Variants in PRKN observed in about 807,000 individuals in gnomAD.
PRKN encodes parkin RBR E3 ubiquitin protein ligase.
Under a neutral mutation model 59.5 loss-of-function variants are expected in PRKN, and 56 were observed. The observed-to-expected ratio is 0.94, with a 90% confidence interval of 0.76 to 1.18. The LOEUF (loss-of-function observed/expected upper bound fraction) is 1.18. Ranked by LOEUF, PRKN falls within the 50% of genes most tolerant of loss-of-function variation. The pLI, the probability that PRKN is intolerant of heterozygous loss-of-function variation, is 0.00. For synonymous variants in PRKN, 250 were observed against 222.1 expected (o/e 1.13, Z -1.12); for missense variants, 657 against 596.4 (o/e 1.10, Z -1.06).
chr6:162,489,197 A>T (rs1792693575), intron 1 of PRKN, among the ~76,000 whole-genome samples: 1 of 152,198 alleles, frequency 6.6e-6, no homozygotes, highest in Non-Finnish European at 1.5e-5. Context: ...AACCTTAAAC[A>T]AAGTTCAAAT....
intron 4 of PRKN, among the ~76,000 whole-genome samples, chr6:162,168,840 A>C (rs1055350246): frequency 6.6e-6 from 1 of 152,178 alleles, no homozygotes; most frequent in Non-Finnish European, 1.5e-5. Context: ...GAACCATTCC[A>C]TATAGGAGGG....
chr6:161,949,368 G>A (rs6934432), intron 6 of PRKN, among the ~76,000 whole-genome samples: 15,102 of 152,078 alleles, frequency 0.099, 920 homozygotes, highest in African/African-American at 0.17. Flanking sequence ...AAAATTAGCC[G>A]GGCATTGTGG....
At position 161,548,920 on chromosome 6, in the gene PRKN, C is replaced by T. The variant is rs546676036; in HGVS notation, c.1017G>A (p.Ala339=). The change falls in exon 9 of 12, where the codon GCG becomes GCA. Residue 339 remains alanine, a synonymous_variant. Transcript: ENST00000366898. This position sits in a 1 kb window ranked among gnomAD's most constrained non-coding sequence, Gnocchi z 4.2. ...GVLCPRPGCG[A]GLLPEPDQRK... ...TCTGGTCAGGCTCCGGCAGCAGCCC[C>T]GCTCCACAGCCAGGGCGGGGGCATA... The T allele has an allele frequency of 5.0e-4, 810 of 1,614,182 alleles. 10 individuals carry two copies. In the South Asian group the frequency reaches 8.0e-3, roughly 16 times the overall value.
intron 7 of PRKN, among the ~76,000 whole-genome samples, chr6:161,755,139 C>T (rs1788861441): frequency 6.6e-6 from 1 of 152,202 alleles, no homozygotes; most frequent in South Asian, 2.1e-4. Context: ...ATACCCATAG[C>T]GTGTGACAGT....
At chr6:162,099,537 A>C (rs1009178375) in intron 4 of PRKN, among the ~76,000 whole-genome samples, 1 of 152,174 alleles carries the variant, frequency 6.6e-6, no homozygotes. Context: ...CTGGCATAAA[A>C]GAGGCAACAG....
At chr6:161,430,814 CAAAAAAAAAAAAAAA>C (rs35611748) in intron 9 of PRKN, among the ~76,000 whole-genome samples, 74 of 58,338 alleles carry the variant, frequency 1.3e-3, no homozygotes, top group African/African-American at 4.3e-3. Context: ...GACTCCGTCT[CAAAAAAAAAAAAAAA>C]AAAAAAAAAG....
rs115092283 is a variant in PRKN, at chr6:161,994,129, C to G, written c.619-20712G>C. Among the ~76,000 whole-genome samples the G allele has an allele frequency of 5.1e-3, 769 of 151,800 alleles. 11 individuals are homozygous for G. Among genetic ancestry groups the G allele is most frequent in the African/African-American group, 0.018 (751 of 41,384 alleles). ...AAAAATCCTCAACAAAATAGCATAT[C>G]ATGATCAAGTGAGATTTTTCTCAGG... On this transcript the variant is annotated intron_variant, in intron 5 of 11. Transcript: ENST00000366898.
At chr6:161,691,240 A>G (rs1785781057) in intron 7 of PRKN, among the ~76,000 whole-genome samples, 1 of 152,232 alleles carries the variant, frequency 6.6e-6, no homozygotes, top group African/African-American at 2.4e-5. Flanking sequence ...TGTAGGCTTC[A>G]ACCCTAACCT....
At position 162,174,289 on chromosome 6, in the gene PRKN, C is replaced by G. The variant is rs1583151056; in HGVS notation, c.534+26842G>C. On this transcript the variant is annotated intron_variant, in intron 4 of 11. Coordinates refer to ENST00000366898, the MANE Select transcript of PRKN (RefSeq NM_004562.3). Reference sequence around the variant, plus strand: ...TTTGCTGATGTGAGGCTGCTCTACACTTTGTTCCCTTCCATCAGCACGCAG... The same window carrying G: ...TTTGCTGATGTGAGGCTGCTCTACAGTTTGTTCCCTTCCATCAGCACGCAG... 2.0e-5 allele frequency among the ~76,000 whole-genome samples: 3 copies of G among 152,288 alleles called. 1 individual carries two copies. In the South Asian group the frequency reaches 6.2e-4, roughly 32 times the overall value.
chr6:162,233,895 G>A (rs1005810863), intron 3 of PRKN, among the ~76,000 whole-genome samples: 21 of 152,264 alleles, frequency 1.4e-4, no homozygotes, highest in Middle Eastern at 6.8e-3. Flanking sequence ...ACCAGATGCC[G>A]GTGGCATGCT....
chr6:161,763,140 T>C (rs1320013385), intron 7 of PRKN, among the ~76,000 whole-genome samples: 1 of 152,156 alleles, frequency 6.6e-6, no homozygotes, highest in East Asian at 1.9e-4. Flanking sequence ...GAACTAATAT[T>C]TTTCCTGGAC....
chr6:162,442,575 T>A (rs1790110629), intron 2 of PRKN, among the ~76,000 whole-genome samples: 1 of 152,116 alleles, frequency 6.6e-6, no homozygotes, highest in Non-Finnish European at 1.5e-5. Context: ...CCAATCCGAA[T>A]GACATGTGTG....
At chr6:162,118,816 T>C (rs1780783959) in intron 4 of PRKN, among the ~76,000 whole-genome samples, 1 of 152,194 alleles carries the variant, frequency 6.6e-6, no homozygotes, top group African/African-American at 2.4e-5. Context: ...AACATGGGCG[T>C]GGAGGTGTCC....
At chr6:162,364,981 T>C (rs12662966) in intron 2 of PRKN, among the ~76,000 whole-genome samples, 8,771 of 135,354 alleles carry the variant, frequency 0.065, 603 homozygotes, top group East Asian at 0.4. Flanking sequence ...CTCTCTCTCT[T>C]TTTTTTTTTT....
intron 2 of PRKN, among the ~76,000 whole-genome samples, chr6:162,305,268 A>G (rs1429669660): frequency 1.3e-5 from 2 of 152,166 alleles, no homozygotes; most frequent in Non-Finnish European, 2.9e-5. Context: ...CCAGGCCACT[A>G]TTCACTGAAA....
intron 7 of PRKN, among the ~76,000 whole-genome samples, chr6:161,767,503 C>A (rs1193669934): frequency 1.7e-5 from 2 of 119,520 alleles, no homozygotes; most frequent in African/African-American, 6.6e-5. Flanking sequence ...GGCGACAGAG[C>A]AAAACTCCTT....
intron 7 of PRKN, among the ~76,000 whole-genome samples, chr6:161,639,341 C>T (rs1346539449): frequency 3.3e-5 from 5 of 152,112 alleles, no homozygotes. Context: ...GGATCGAGTA[C>T]GTTCACATCT....
In PRKN at chr6:161,391,365, T is replaced by C. The variant is rs751885300; in HGVS notation, c.1084-4488A>G. Among the ~76,000 whole-genome samples, 7 of 152,038 alleles carry C rather than the reference T, an allele frequency of 4.6e-5. No homozygotes were observed. Among genetic ancestry groups the C allele is most frequent in the Non-Finnish European group, 1.0e-4 (7 of 68,006 alleles). On this transcript the variant is annotated intron_variant, in intron 9 of 11. Transcript: ENST00000366898. The surrounding 1 kb of genome is among the most constrained non-coding windows in gnomAD (Gnocchi z 4.9). ...ACCAGGAAACATGGAGTCCTGTTTATACCGTATACATTTTCAGGATTGTCT... is the reference window on the plus strand; with the variant it reads ...ACCAGGAAACATGGAGTCCTGTTTACACCGTATACATTTTCAGGATTGTCT...
intron 1 of PRKN, among the ~76,000 whole-genome samples, chr6:162,471,162 A>G (rs1791720670): frequency 6.6e-6 from 1 of 151,876 alleles, no homozygotes; most frequent in Admixed American, 6.6e-5. Flanking sequence ...CAGTGGCACA[A>G]TCTTGGCTCA....
Sources: allele counts gnomAD v4.1 joint callset (sites outside exome capture counted in the v4.1 genomes callset), GRCh38; gene constraint gnomAD v4.1.1; non-coding constraint Gnocchi (gnomAD v3.1); transcripts MANE v1.5; gene names NCBI Gene and HGNC (gene_info 2026-07-23, HGNC 2026-07-21).